PRKG1: variants seen among roughly 807,000 people sequenced by gnomAD.
PRKG1 encodes the protein cGMP-dependent protein kinase 1.
In PRKG1, 35 loss-of-function variants were observed where a neutral mutation model predicts 88.1. That is an observed-to-expected ratio of 0.40 (90% CI 0.30 to 0.53). The LOEUF (loss-of-function observed/expected upper bound fraction) is 0.53. PRKG1 is among the 20% of genes least tolerant of loss of function. The probability of loss-of-function intolerance (pLI) is 0.59; values close to 1 mark genes in which losing one functional copy is unlikely to be tolerated. For synonymous variants in PRKG1, 303 were observed against 292.5 expected (o/e 1.04, Z -0.37); for missense variants, 540 against 839.8 (o/e 0.64, Z 4.41).
At chr10:51,278,800 TC>T (rs1443774894) in intron 2 of PRKG1, among the ~76,000 whole-genome samples, 1 of 152,168 alleles carries the variant, frequency 6.6e-6, no homozygotes, top group Non-Finnish European at 1.5e-5. Flanking sequence ...AGTGGTGATA[TC>T]CCCTTTATCA....
chr10:51,643,650 T>G (rs935451182), intron 3 of PRKG1, among the ~76,000 whole-genome samples: 1 of 152,190 alleles, frequency 6.6e-6, no homozygotes, highest in African/African-American at 2.4e-5. Context: ...GTGCTTGGAT[T>G]AATAAAAGCT....
At chr10:51,740,697 A>C (rs1837411037) in intron 3 of PRKG1, among the ~76,000 whole-genome samples, 1 of 152,106 alleles carries the variant, frequency 6.6e-6, no homozygotes, top group South Asian at 2.1e-4. Context: ...ACTCCTTTAA[A>C]ATGTCTCAAG....
At chr10:51,672,274 G>A (rs1021030299) in intron 3 of PRKG1, among the ~76,000 whole-genome samples, 2 of 151,882 alleles carry the variant, frequency 1.3e-5, no homozygotes, top group African/African-American at 2.4e-5. Flanking sequence ...TGTCTCCTAA[G>A]TTCTTGCTAT....
intron 3 of PRKG1, among the ~76,000 whole-genome samples, chr10:51,747,811 C>T (rs1242826931): frequency 6.6e-6 from 1 of 151,980 alleles, no homozygotes; most frequent in African/African-American, 2.4e-5. Flanking sequence ...ACTTTGTCAC[C>T]CAGCCTGGAG....
Position 51,039,366 on chromosome 10 carries a change from C to T in PRKG1, c.266+47722C>T, listed in dbSNP as rs112900511. ...GAGCACCTTTTCATATACCTGTTTG[C>T]CATTTGTATGTCTTCTTTTGGGAAA... On this transcript the variant is annotated intron_variant, in intron 1 of 17. Coordinates refer to the PRKG1 transcript ENST00000401604. Among the ~76,000 whole-genome samples, 83 of 152,216 alleles carry T rather than the reference C, an allele frequency of 5.5e-4. 1 individual carries two copies. Among genetic ancestry groups the T allele is most frequent in the African/African-American group, 1.9e-3 (78 of 41,528 alleles).
intron 2 of PRKG1, among the ~76,000 whole-genome samples, chr10:51,274,509 C>T (rs1840063765): frequency 6.6e-6 from 1 of 152,098 alleles, no homozygotes; most frequent in Admixed American, 6.6e-5. Context: ...CCTTAGTTTC[C>T]CCAGCCATGA....
chr10:51,940,221 A>G (rs928072798), intron 5 of PRKG1, among the ~76,000 whole-genome samples: 2 of 151,664 alleles, frequency 1.3e-5, no homozygotes, highest in Admixed American at 6.6e-5. Context: ...TTTCCTTTTA[A>G]ACATTTGGGA....
chr10:52,262,296 G>C (rs749719476), intron 10 of PRKG1, among the ~76,000 whole-genome samples: 10 of 151,978 alleles, frequency 6.6e-5, no homozygotes, highest in Non-Finnish European at 1.2e-4. Context: ...TTTTGAGATA[G>C]AGTCTTGCTC....
At chr10:51,429,779 A>T (rs1838704109) in intron 2 of PRKG1, among the ~76,000 whole-genome samples, 1 of 151,880 alleles carries the variant, frequency 6.6e-6, no homozygotes, top group Non-Finnish European at 1.5e-5. Context: ...GAAAAACAGA[A>T]GAAGAAAAGC....
chr10:52,247,809 G>A (rs968686968), intron 9 of PRKG1, among the ~76,000 whole-genome samples: 3 of 152,092 alleles, frequency 2.0e-5, no homozygotes, highest in Non-Finnish European at 2.9e-5. Context: ...CAGCTCGGTC[G>A]GGGAGACCCT....
At chr10:51,321,743 A>G (rs1358049757) in intron 2 of PRKG1, among the ~76,000 whole-genome samples, 1 of 152,238 alleles carries the variant, frequency 6.6e-6, no homozygotes, top group Non-Finnish European at 1.5e-5. Flanking sequence ...TCATTTTAAA[A>G]TGACTAAAAG....
At chr10:51,575,010 A>C (rs565544497) in intron 3 of PRKG1, among the ~76,000 whole-genome samples, 1 of 152,032 alleles carries the variant, frequency 6.6e-6, no homozygotes, top group African/African-American at 2.4e-5. Context: ...AGTCACTTAC[A>C]TGGAATTGGT....
rs180912128 is a variant in PRKG1, at chr10:51,251,016, C to T, written c.478+97686C>T. Among the ~76,000 whole-genome samples the T allele has an allele frequency of 7.4e-4, 112 of 151,860 alleles. 3 individuals are homozygous for T. Among genetic ancestry groups the T allele is most frequent in the Admixed American group, 6.6e-3 (101 of 15,214 alleles). ...ATTGCCTCCTGCCCAACTCTACAGACAGATTTTACTTCCTGAATGTTTATT... is the reference window on the plus strand; with the variant it reads ...ATTGCCTCCTGCCCAACTCTACAGATAGATTTTACTTCCTGAATGTTTATT... On this transcript the variant is annotated intron_variant, in intron 2 of 17. Coordinates refer to ENST00000373980, the MANE Select transcript of PRKG1 (RefSeq NM_006258.4).
chr10:51,703,600 C>A (rs76681646), intron 3 of PRKG1, among the ~76,000 whole-genome samples: 2,556 of 152,152 alleles, frequency 0.017, 40 homozygotes, highest in Non-Finnish European at 0.025. Flanking sequence ...TTTATTATTT[C>A]ATTCCATCAA....
chr10:51,116,119 G>A (rs1191292819), intron 1 of PRKG1, among the ~76,000 whole-genome samples: 1 of 152,156 alleles, frequency 6.6e-6, no homozygotes, highest in African/African-American at 2.4e-5. Context: ...ATTGAGAAAG[G>A]TGAGTAATTT....
At chr10:52,204,662 A>C (rs1839768344) in intron 9 of PRKG1, among the ~76,000 whole-genome samples, 1 of 152,176 alleles carries the variant, frequency 6.6e-6, no homozygotes, top group Admixed American at 6.5e-5. Context: ...TCTTTACTTT[A>C]ATCTCTTAAT....
At chr10:51,201,160 A>G (rs9415777) in intron 2 of PRKG1, among the ~76,000 whole-genome samples, 97,047 of 152,082 alleles carry the variant, frequency 0.64, 32,269 homozygotes, top group African/African-American at 0.85. Context: ...ACTTGCTAAT[A>G]AGTATAAAAA....
intron 3 of PRKG1, among the ~76,000 whole-genome samples, chr10:51,638,048 T>C (rs1839702592): frequency 6.6e-6 from 1 of 152,206 alleles, no homozygotes; most frequent in African/African-American, 2.4e-5. Context: ...TTTGCCTAGA[T>C]ATAAGTAAGC....
At chr10:51,160,680 T>G (rs1187290687) in intron 2 of PRKG1, among the ~76,000 whole-genome samples, 1 of 152,224 alleles carries the variant, frequency 6.6e-6, no homozygotes, top group African/African-American at 2.4e-5. Flanking sequence ...TAGGTATGAA[T>G]GAGGTTGTGA....
Sources: gnomAD v4.1 joint callset for allele counts (sites outside exome capture counted in the v4.1 genomes callset) on GRCh38, gnomAD v4.1.1 for gene constraint, MANE v1.5 for transcripts, NCBI Gene and HGNC (gene_info 2026-07-23, HGNC 2026-07-21) for gene names.